Variants in CENPP observed in about 807,000 individuals in gnomAD.
The protein encoded by CENPP is centromere protein P.
A neutral mutation model predicts 35.6 loss-of-function variants in CENPP; 24 were observed. The ratio of observed to expected loss-of-function variants is 0.67; its 90% CI spans 0.49 to 0.95. The LOEUF is 0.95. CENPP is among the 40% of genes least tolerant of loss of function. The pLI is 0.00. For missense variants in CENPP, 332 were observed against 345.3 expected, an observed-to-expected ratio of 0.96 and a Z score of 0.31; for synonymous variants, 120 against 125.5, an observed-to-expected ratio of 0.96 and a Z score of 0.29.
intron 5 of CENPP, among the ~76,000 whole-genome samples, chr9:92,511,404 C>A (rs1352703296): frequency 1.3e-5 from 2 of 150,826 alleles, no homozygotes; most frequent in Admixed American, 6.6e-5. Flanking sequence ...GGATTACAGG[C>A]ATGAGCCACT....
intron 2 of CENPP, among the ~76,000 whole-genome samples, chr9:92,334,121 G>GTT (rs11423555): frequency 0.041 from 5,543 of 133,914 alleles, 172 homozygotes; most frequent in Middle Eastern, 0.083. Flanking sequence ...TGAGAGTAGG[G>GTT]TTTTTTTTTT....
At chr9:92,423,917 C>A (rs1843889353) in intron 5 of CENPP, among the ~76,000 whole-genome samples, 1 of 151,988 alleles carries the variant, frequency 6.6e-6, no homozygotes, top group Admixed American at 6.6e-5. Flanking sequence ...AGATTGATTC[C>A]TTTAACCTGA....
At chr9:92,457,342 T>G in intron 5 of CENPP, 1 of 1,614,048 alleles carries the variant, frequency 6.2e-7, no homozygotes, top group Non-Finnish European at 8.5e-7. Flanking sequence ...CACAACGAAA[T>G]GTTGCAGGTT....
chr9:92,367,283 C>T (rs1168065358), intron 4 of CENPP, among the ~76,000 whole-genome samples: 31 of 152,146 alleles, frequency 2.0e-4, no homozygotes, highest in Admixed American at 1.9e-3. Context: ...TCTCCTGCCT[C>T]AGCCTCCCGA....
At chr9:92,465,897 A>G (rs907371821) in intron 5 of CENPP, among the ~76,000 whole-genome samples, 2 of 151,380 alleles carry the variant, frequency 1.3e-5, no homozygotes, top group South Asian at 2.1e-4. Context: ...CAGTGGCGCA[A>G]TCTCGGCTCA....
chr9:92,362,205 C>T (rs925202383), intron 4 of CENPP, among the ~76,000 whole-genome samples: 1 of 151,754 alleles, frequency 6.6e-6, no homozygotes, highest in Non-Finnish European at 1.5e-5. Flanking sequence ...AAGGCTCTAT[C>T]TCTTCAAAAA....
Position 92,415,289 on chromosome 9 carries a change from T to G in CENPP, c.564+35430T>G. The G allele has an allele frequency of 1.9e-6, 3 of 1,613,810 alleles. No homozygotes were observed. The East Asian group carries it at 6.7e-5, about 36-fold the overall frequency. On this transcript the variant is annotated intron_variant, in intron 5 of 7. Transcript: ENST00000375587. ...TCTGGAAATCTCCTGAAAACTTGTG[T>G]CTTTAGTTGTATTGTTTGACCATTA...
In CENPP at chr9:92,612,525, T is replaced by G. The variant is rs759046889; in HGVS notation, c.647T>G (p.Phe216Cys). Residue 216 changes from phenylalanine to cysteine, a missense_variant and splice_region_variant, in exon 7 of 8, where the codon TTT becomes TGT. Transcript: ENST00000375587. ...GACATGTTTTACTGCTTTTTCAGGT[T>G]TGAATTAGTCATTGTTTGGAGGATA... ...MGIRSASRPG[F>C]ELVIVWRIQI... is the part of the protein sequence containing the mutation. The G allele has an allele frequency of 6.2e-7, 1 of 1,612,472 alleles. No individual in the cohort carries two copies. Among genetic ancestry groups the G allele is most frequent in the Non-Finnish European group, 8.5e-7 (1 of 1,178,518 alleles).
chr9:92,459,555 C>A, intron 5 of CENPP: 1 of 1,423,584 alleles, frequency 7.0e-7, no homozygotes. Flanking sequence ...TTGGTCTTTG[C>A]TTGAGGTGTG....
chr9:92,344,503 G>T (rs971167334), intron 3 of CENPP, among the ~76,000 whole-genome samples: 11 of 151,764 alleles, frequency 7.2e-5, no homozygotes, highest in African/African-American at 2.7e-4. Context: ...AATTTATTTG[G>T]AATCCAAGCT....
intron 5 of CENPP, among the ~76,000 whole-genome samples, chr9:92,552,190 T>TAC (rs59704602): frequency 0.012 from 1,316 of 106,332 alleles, 107 homozygotes; most frequent in East Asian, 0.027. Flanking sequence ...ATCTATCATA[T>TAC]ACACACACAC....
intron 5 of CENPP, among the ~76,000 whole-genome samples, chr9:92,532,587 T>C (rs79232881): frequency 0.012 from 1,863 of 152,294 alleles, 36 homozygotes; most frequent in African/African-American, 0.042. Context: ...TTCCAGTTCA[T>C]TGATACTCTC....
intron 5 of CENPP, among the ~76,000 whole-genome samples, chr9:92,454,542 TTTTG>T (rs1384360371): frequency 1.3e-5 from 2 of 152,228 alleles, no homozygotes; most frequent in East Asian, 1.9e-4. Flanking sequence ...GAAAAATTTA[TTTTG>T]TTTATTAAAG....
intron 5 of CENPP, 121 bp downstream of exon 5, chr9:92,379,980 C>A: frequency 1.5e-6 from 1 of 648,220 alleles, no homozygotes; most frequent in Non-Finnish European, 2.7e-6. Flanking sequence ...TTCTCATTGA[C>A]TTTTGGAATT....
chr9:92,344,450 TA>T (rs1841219930), intron 3 of CENPP, among the ~76,000 whole-genome samples: 1 of 152,196 alleles, frequency 6.6e-6, no homozygotes, highest in South Asian at 2.1e-4. Context: ...CCATATAACT[TA>T]CCAGTTTAAA....
intron 5 of CENPP, chr9:92,511,967 G>T: frequency 7.0e-7 from 1 of 1,438,136 alleles, no homozygotes; most frequent in Non-Finnish European, 9.6e-7. Flanking sequence ...GCAAGTCATA[G>T]TGAAGCCATT....
At chr9:92,482,597 A>G (rs1845948764) in intron 5 of CENPP, 1 of 152,200 alleles carries the variant, frequency 6.6e-6, no homozygotes, top group African/African-American at 2.4e-5. Flanking sequence ...CTAGACGTCT[A>G]CTGGAAGATT....
chr9:92,499,567 C>A (rs1319521331), intron 5 of CENPP, among the ~76,000 whole-genome samples: 10 of 152,076 alleles, frequency 6.6e-5, no homozygotes, highest in Admixed American at 5.9e-4. Flanking sequence ...ATTTTAGAAT[C>A]AAAAAAGGTG....
chr9:92,392,618 T>C (rs561526464), intron 5 of CENPP, among the ~76,000 whole-genome samples: 16 of 151,082 alleles, frequency 1.1e-4, no homozygotes, highest in East Asian at 7.8e-4. Context: ...CCATGTCGGG[T>C]TGGGGGGAGG....
Sources: allele counts gnomAD v4.1 joint callset (sites outside exome capture counted in the v4.1 genomes callset), GRCh38; gene constraint gnomAD v4.1.1; transcripts MANE v1.5; gene names NCBI Gene and HGNC (gene_info 2026-07-23, HGNC 2026-07-21).